Variants in VPS13B observed in about 807,000 individuals in gnomAD.
VPS13B encodes the protein intermembrane lipid transfer protein VPS13B.
VPS13B carries 285 observed loss-of-function variants against 426.4 expected under a neutral mutation model. That is an observed-to-expected ratio of 0.67 (90% CI 0.61 to 0.74). The LOEUF (loss-of-function observed/expected upper bound fraction) is 0.74. VPS13B is among the 30% of genes least tolerant of loss of function. The pLI is 0.00. For missense variants in VPS13B, 4,537 were observed against 4,782.6 expected (o/e 0.95, Z 1.51); for synonymous variants, 1,676 against 1,676.4 (o/e 1.00, Z 0.01).
intron 30 of VPS13B, among the ~76,000 whole-genome samples, chr8:99,553,342 G>A (rs1449893531): frequency 6.6e-6 from 1 of 152,024 alleles, no homozygotes; most frequent in East Asian, 1.9e-4. Flanking sequence ...TTTCTAATAT[G>A]CCATATTCAG....
chr8:99,189,414 A>G (rs1813423982), intron 16 of VPS13B, among the ~76,000 whole-genome samples: 1 of 152,224 alleles, frequency 6.6e-6, no homozygotes, highest in Admixed American at 6.5e-5. Context: ...TTGAATGCCC[A>G]TAGAATTTTT....
intron 8 of VPS13B, chr8:99,121,716 C>T (rs1028184335): frequency 1.4e-6 from 1 of 718,290 alleles, no homozygotes; most frequent in Non-Finnish European, 1.9e-6. Flanking sequence ...AGTTGGTGTA[C>T]AAACATGCCT....
intron 19 of VPS13B, among the ~76,000 whole-genome samples, chr8:99,289,066 A>AATGAATGAAT (rs1350775653): frequency 6.6e-5 from 3 of 45,586 alleles, no homozygotes; most frequent in Non-Finnish European, 1.7e-4. Flanking sequence ...AATGAATGAA[A>AATGAATGAAT]GAAGGAAGGA....
chr8:99,317,554 A>AT (rs1809739759), intron 19 of VPS13B, among the ~76,000 whole-genome samples: 1 of 152,070 alleles, frequency 6.6e-6, no homozygotes, highest in African/African-American at 2.4e-5. Context: ...AATTCATTTT[A>AT]TTTTTTAATA....
Position 99,096,402 on chromosome 8 carries a change from G to T in VPS13B, c.382G>T (p.Ala128Ser). The change falls in exon 4 of 62, where the codon GCT (alanine) becomes TCT (serine). Residue 128 changes from alanine (A) to serine (S), a missense_variant. By Grantham distance (99) the Ala-to-Ser change is moderately conservative. Around this residue, in one of 2 missense-constraint regions of VPS13B, gnomAD observed 226 missense variants for 308.3 expected, o/e 0.73. Coordinates refer to ENST00000357162, the MANE Select transcript of VPS13B (RefSeq NM_152564.5). ...SSIKPRRMQQ[A>S]APTDPDLPPG... ...AATCAAACCGCGGAGAATGCAGCAG[G>T]CTGCTCCTACAGATCCTGACTTACC... The T allele has an allele frequency of 6.2e-7, 1 of 1,614,076 alleles. No homozygotes were observed. Among genetic ancestry groups the T allele is most frequent in the Non-Finnish European group, 8.5e-7 (1 of 1,179,974 alleles).
chr8:99,674,477 A>C (rs750313697), intron 35 of VPS13B, among the ~76,000 whole-genome samples: 1 of 152,042 alleles, frequency 6.6e-6, no homozygotes, highest in Admixed American at 6.5e-5. Context: ...TTATAAGTGA[A>C]TTGAGTCTCT....
intron 16 of VPS13B, among the ~76,000 whole-genome samples, chr8:99,176,249 C>T (rs1180320023): frequency 6.6e-6 from 1 of 152,066 alleles, no homozygotes; most frequent in Non-Finnish European, 1.5e-5. Flanking sequence ...ATTCTCGTTC[C>T]TCAACCTCCT....
At chr8:99,199,212 C>T (rs923160194) in intron 17 of VPS13B, among the ~76,000 whole-genome samples, 45 of 152,160 alleles carry the variant, frequency 3.0e-4, no homozygotes, top group African/African-American at 1.1e-3. Flanking sequence ...GATGGAGTCT[C>T]GCTCTGTCAC....
chr8:99,823,454 G>A (rs2130827662), intron 50 of VPS13B, among the ~76,000 whole-genome samples: 1 of 152,302 alleles, frequency 6.6e-6, no homozygotes, highest in South Asian at 2.1e-4. Flanking sequence ...ATGAGGAGGA[G>A]GAGGAGGAGG....
rs966822253 is a variant in VPS13B at position 99,829,493 on chromosome 8, A to G, written c.9331-2876A>G. ...CACTGGTTATCCTAGTTAGCAATTC[A>G]TGTAACCTTTTATCGCGGTTCTTAG... On this transcript the variant is annotated intron_variant, in intron 51 of 61. Coordinates refer to ENST00000357162, the MANE Select transcript of VPS13B (RefSeq NM_152564.5). 6.6e-5 allele frequency among the ~76,000 whole-genome samples: 10 copies of G among 152,144 alleles called. No individual in the cohort carries two copies. In the East Asian group the frequency reaches 1.2e-3, roughly 18 times the overall value.
chr8:99,339,842 C>T (rs1351045165), intron 19 of VPS13B, among the ~76,000 whole-genome samples: 3 of 152,066 alleles, frequency 2.0e-5, no homozygotes, highest in South Asian at 2.1e-4. Context: ...GACTACTTTG[C>T]GGTTTCCAAA....
intron 7 of VPS13B, 113 bp from the exon 8 acceptor site, chr8:99,121,064 T>C: frequency 1.1e-6 from 1 of 899,678 alleles, no homozygotes; most frequent in East Asian, 2.6e-5. Flanking sequence ...GTATCATTTG[T>C]TTATACCTTA....
intron 16 of VPS13B, among the ~76,000 whole-genome samples, chr8:99,186,574 C>A (rs1193032957): frequency 1.3e-5 from 2 of 152,076 alleles, no homozygotes; most frequent in Non-Finnish European, 2.9e-5. Flanking sequence ...GGTATTGTTA[C>A]ATTAACAGAT....
chr8:99,062,892 G>A (rs1156709264), intron 3 of VPS13B, among the ~76,000 whole-genome samples: 1 of 152,164 alleles, frequency 6.6e-6, no homozygotes, highest in African/African-American at 2.4e-5. Context: ...GGGCACTCAA[G>A]TATAGAATAG....
At chr8:99,698,553 TTAA>T (rs554524058) in intron 35 of VPS13B, among the ~76,000 whole-genome samples, 2 of 152,224 alleles carry the variant, frequency 1.3e-5, no homozygotes, top group Non-Finnish European at 2.9e-5. Flanking sequence ...GATTTATAAC[TTAA>T]TAATAATATG....
In VPS13B at chr8:99,858,246, C is replaced by A. The variant is rs190214855; in HGVS notation, c.10868-1058C>A. Among the ~76,000 whole-genome samples, 41 of 152,346 alleles carry A rather than the reference C, an allele frequency of 2.7e-4. No homozygotes were observed. The East Asian group carries it at 7.1e-3, about 27-fold the overall frequency. On this transcript the variant is annotated intron_variant, in intron 56 of 61. Coordinates refer to ENST00000357162, the MANE Select transcript of VPS13B (RefSeq NM_152564.5). ...TCTCCTGGGCCCTCACTTGCCCCTC[C>A]AATTCTTGGGGCCTACAGCCCCAAA...
chr8:99,757,188 G>A (rs1039657394), intron 39 of VPS13B, among the ~76,000 whole-genome samples: 6 of 152,082 alleles, frequency 3.9e-5, no homozygotes, highest in African/African-American at 7.2e-5. Flanking sequence ...GAAATATGGC[G>A]GGAAAAGTGA....
chr8:99,133,935 T>G (rs1809936217), intron 8 of VPS13B, among the ~76,000 whole-genome samples: 1 of 152,186 alleles, frequency 6.6e-6, no homozygotes, highest in Non-Finnish European at 1.5e-5. Flanking sequence ...CATGTGCTAT[T>G]GGGAAAATGG....
At chr8:99,105,452 C>T (rs1846994467) in intron 5 of VPS13B, among the ~76,000 whole-genome samples, 2 of 152,146 alleles carry the variant, frequency 1.3e-5, no homozygotes, top group Non-Finnish European at 2.9e-5. Context: ...AATCTTGGCT[C>T]ACTGCAACTT....
Sources: gnomAD v4.1 joint callset for allele counts (sites outside exome capture counted in the v4.1 genomes callset) on GRCh38, gnomAD v4.1.1 for gene constraint, gnomAD v4.1.1 regional missense constraint, MANE v1.5 for transcripts, NCBI Gene and HGNC (gene_info 2026-07-23, HGNC 2026-07-21) for gene names.